MED12L: variants seen among roughly 807,000 people sequenced by gnomAD.
The protein encoded by MED12L is mediator complex subunit 12L.
In MED12L, 60 loss-of-function variants were observed where a neutral mutation model predicts 281.3. The observed-to-expected ratio is 0.21, with a 90% confidence interval of 0.17 to 0.26. The LOEUF is 0.26. MED12L is among the 10% of genes least tolerant of loss of function. The pLI, the probability that MED12L is intolerant of heterozygous loss-of-function variation, is 1.00. For missense variants in MED12L, 2,146 were observed against 2,680.9 expected (o/e 0.80, Z 4.41); for synonymous variants, 974 against 987.2 (o/e 0.99, Z 0.25).
chr3:151,130,346 A>G (rs1166332888), intron 5 of MED12L, among the ~76,000 whole-genome samples: 1 of 152,166 alleles, frequency 6.6e-6, no homozygotes, highest in Non-Finnish European at 1.5e-5. Context: ...GTCCGTCAAC[A>G]ATCTTGTCAT....
At chr3:151,380,528 C>G (rs1285773011) in intron 32 of MED12L, among the ~76,000 whole-genome samples, 2 of 147,858 alleles carry the variant, frequency 1.4e-5, no homozygotes, top group Non-Finnish European at 3.0e-5. Flanking sequence ...ACCTGGGAGG[C>G]AGAGGCTGCA....
intron 2 of MED12L, among the ~76,000 whole-genome samples, chr3:151,101,431 T>G (rs1464716884): frequency 6.6e-6 from 1 of 152,006 alleles, no homozygotes; most frequent in Non-Finnish European, 1.5e-5. Flanking sequence ...GGTCATTGAG[T>G]GGCATAGTGA....
chr3:151,317,229 T>C (rs1408345873), intron 16 of MED12L, among the ~76,000 whole-genome samples: 1 of 152,106 alleles, frequency 6.6e-6, no homozygotes, highest in East Asian at 1.9e-4. Flanking sequence ...TGTAGTCTTA[T>C]GAAACTAATG....
At chr3:151,141,178 G>GTTTTGTTTTTTTTTTTTT (rs1716903621) in intron 5 of MED12L, among the ~76,000 whole-genome samples, 3 of 102,190 alleles carry the variant, frequency 2.9e-5, no homozygotes, top group African/African-American at 1.3e-4. Flanking sequence ...TTTTTTTTTT[G>GTTTTGTTTTTTTTTTTTT]TTTTTTTTGT....
At chr3:151,180,771 T>C (rs1316280055) in intron 11 of MED12L, among the ~76,000 whole-genome samples, 1 of 152,230 alleles carries the variant, frequency 6.6e-6, no homozygotes, top group African/African-American at 2.4e-5. Context: ...TTTAGGAAAT[T>C]ATCAAGGACC....
chr3:151,430,831 A>G (rs1052437764), intron 44 of MED12L, among the ~76,000 whole-genome samples: 1 of 144,272 alleles, frequency 6.9e-6, no homozygotes, highest in African/African-American at 2.6e-5. Flanking sequence ...GCACCATCCT[A>G]CCCTTCTGAT....
chr3:151,305,916 A>C (rs950140557), intron 16 of MED12L, among the ~76,000 whole-genome samples: 2 of 152,192 alleles, frequency 1.3e-5, no homozygotes, highest in Non-Finnish European at 2.9e-5. Flanking sequence ...AAAGATGAGA[A>C]GATTTGCTAG....
At chr3:151,242,412 C>T (rs1169151699) in intron 16 of MED12L, among the ~76,000 whole-genome samples, 27 of 152,222 alleles carry the variant, frequency 1.8e-4, no homozygotes, top group Middle Eastern at 3.4e-3. Flanking sequence ...TCTCCCAGCA[C>T]GCAGCTGGAG....
At chr3:151,203,330 T>C (rs1725909864) in intron 16 of MED12L, 1 of 152,296 alleles carries the variant, frequency 6.6e-6, no homozygotes. Context: ...GTTTTTTTAA[T>C]GTATACAATT....
intron 44 of MED12L, among the ~76,000 whole-genome samples, 168 bp downstream of exon 44, chr3:151,430,548 G>C (rs1719370323): frequency 6.6e-6 from 1 of 151,526 alleles, no homozygotes; most frequent in South Asian, 2.1e-4. Context: ...TTTGGTTTTG[G>C]CTTGAATGCT....
At chr3:151,089,809 A>C (rs1281618331) in intron 2 of MED12L, among the ~76,000 whole-genome samples, 1 of 152,162 alleles carries the variant, frequency 6.6e-6, no homozygotes, top group African/African-American at 2.4e-5. Flanking sequence ...TGCTTCCTAC[A>C]AACAGACTGT....
At chr3:151,208,587 C>T (rs1253750556) in intron 16 of MED12L, among the ~76,000 whole-genome samples, 1 of 152,110 alleles carries the variant, frequency 6.6e-6, no homozygotes, top group South Asian at 2.1e-4. Context: ...GAGGCTGAGG[C>T]AGGAGAATCG....
chr3:151,156,190 C>T lies in MED12L; in HGVS notation c.586C>T (p.Arg196Ter), dbSNP rs1193700033. 1 of 1,611,396 alleles carries T rather than the reference C, an allele frequency of 6.2e-7. No homozygotes were observed. Among genetic ancestry groups the T allele is most frequent in the Admixed American group, 1.7e-5 (1 of 59,428 alleles). The change falls in exon 6 of 45, where the codon CGA becomes TGA. Residue 196 changes from arginine to a stop codon, truncating the protein, a stop_gained. Coordinates refer to ENST00000687756, the MANE Select transcript of MED12L (RefSeq NM_001393769.1). LOFTEE classifies it high-confidence loss of function. ...EWTQISTRYL[R>*]EQLAKISDFY... ...GACACAGATATCTACCAGATATCTT[C>T]GAGAGCAGTTGGCCAAGATTTCTGA...
chr3:151,394,662 C>G lies in MED12L; in HGVS notation c.5615C>G (p.Ser1872Cys). The change falls in exon 39 of 45, where the codon TCC (serine) becomes TGC (cysteine). Residue 1872 changes from serine (S) to cysteine (C), a missense_variant. Physicochemically the swap from Ser to Cys is moderately radical, Grantham distance 112. This residue lies in a region of MED12L where 496 missense variants were observed against 512.0 expected (regional missense o/e 0.97). Transcript: ENST00000687756. ...LQNQSLTPGG[S>C]RLDPAGSFVP... ...CTTTTGGTTGCTTTTGTAGGTGGCT[C>G]CAGATTGGACCCTGCAGGCTCCTTT... is the stretch of plus-strand genomic sequence containing the variant. The G allele has an allele frequency of 6.2e-7, 1 of 1,614,200 alleles. No individual in the cohort carries two copies. Among genetic ancestry groups the G allele is most frequent in the Non-Finnish European group, 8.5e-7 (1 of 1,180,022 alleles).
intron 11 of MED12L, among the ~76,000 whole-genome samples, chr3:151,175,517 G>A (rs1417593759): frequency 6.6e-6 from 1 of 152,018 alleles, no homozygotes; most frequent in Non-Finnish European, 1.5e-5. Flanking sequence ...TATAACCTAG[G>A]TAATATATTA....
At chr3:151,221,723 G>A (rs910929216) in intron 16 of MED12L, among the ~76,000 whole-genome samples, 1 of 152,242 alleles carries the variant, frequency 6.6e-6, no homozygotes, top group East Asian at 1.9e-4. Context: ...ATGCCTGGAT[G>A]TCCAGGCAGA....
intron 3 of MED12L, among the ~76,000 whole-genome samples, chr3:151,118,090 C>CAA (rs778516389): frequency 0.28 from 24,276 of 87,274 alleles, 2,668 homozygotes; most frequent in African/African-American, 0.34. Flanking sequence ...GACTCCATCT[C>CAA]AAAAAAAAAA....
At chr3:151,260,596 C>T (rs1276233255) in intron 16 of MED12L, among the ~76,000 whole-genome samples, 1 of 152,132 alleles carries the variant, frequency 6.6e-6, no homozygotes, top group Non-Finnish European at 1.5e-5. Context: ...AGTGATCCTC[C>T]TGCCACAGTC....
rs1254885527 is a variant in MED12L, at chr3:151,369,417, A to G, written c.3551-19A>G. The G allele has an allele frequency of 6.6e-7, 1 of 1,520,298 alleles. No homozygotes were observed. Among genetic ancestry groups the G allele is most frequent in the Admixed American group, 1.8e-5 (1 of 55,518 alleles). The allele number at this position is 1,520,298 out of a possible 1,614,324, so 94.2% of individuals were successfully genotyped here. On this transcript the variant is annotated intron_variant, in intron 25 of 44. Transcript: ENST00000687756. ...CTAATGATGGTAATGAGACTATTAA[A>G]GATTTGTTGTTTTTGTAGGCAAACC...
Sources: gnomAD v4.1 joint callset for allele counts (sites outside exome capture counted in the v4.1 genomes callset) on GRCh38, gnomAD v4.1.1 for gene constraint, gnomAD v4.1.1 regional missense constraint, MANE v1.5 for transcripts, NCBI Gene and HGNC (gene_info 2026-07-23, HGNC 2026-07-21) for gene names.